Variants in EIF5B observed in about 807,000 individuals in gnomAD.
The protein encoded by EIF5B is eukaryotic translation initiation factor 5B, also known as eIF-5B.
EIF5B carries 47 observed loss-of-function variants against 147.5 expected under a neutral mutation model. The ratio of observed to expected loss-of-function variants is 0.32; its 90% CI spans 0.25 to 0.41. The LOEUF (loss-of-function observed/expected upper bound fraction) is 0.41, where lower values mean the gene tolerates loss of function less well. Among genes scored for constraint, EIF5B ranks in the 10% least tolerant of loss-of-function variants. The pLI is 1.00. For synonymous variants in EIF5B, 455 were observed against 456.2 expected, an observed-to-expected ratio of 1.00 and a Z score of 0.03; for missense variants, 1,064 against 1,413.2, an observed-to-expected ratio of 0.75 and a Z score of 3.96.
Position 99,350,912 on chromosome 2 carries a change from TAAA to T in EIF5B, c.36-9322_36-9320del, listed in dbSNP as rs577926333. The stretch of plus-strand genomic sequence containing the variant: ...GAGATGAGAATGAAGAAATAAAGAA[TAAA>T]ATGTTTTTAAAAGACTCCTTCATTA... On this transcript the variant is annotated intron_variant, in intron 1 of 23. Coordinates refer to ENST00000289371, the MANE Select transcript of EIF5B (RefSeq NM_015904.4). 1.9e-3 allele frequency among the ~76,000 whole-genome samples: 293 copies of T among 152,380 alleles called. 1 individual carries two copies. The highest frequency in any genetic ancestry group is 3.4e-3 in the Non-Finnish European group (233 of 68,036).
chr2:99,351,667 G>T (rs1673967853), intron 1 of EIF5B, among the ~76,000 whole-genome samples: 3 of 151,768 alleles, frequency 2.0e-5, no homozygotes, highest in Admixed American at 2.0e-4. Context: ...TCTAGTGGCT[G>T]TGTAGTGACA....
chr2:99,342,158 GAATCA>G (rs1463706828), intron 1 of EIF5B, among the ~76,000 whole-genome samples: 1 of 152,074 alleles, frequency 6.6e-6, no homozygotes, highest in Non-Finnish European at 1.5e-5. Context: ...GAATGCTTGA[GAATCA>G]CTTAAAGGCA....
chr2:99,343,810 T>C (rs1237930783), intron 1 of EIF5B, among the ~76,000 whole-genome samples: 2 of 151,634 alleles, frequency 1.3e-5, no homozygotes, highest in Non-Finnish European at 2.9e-5. Context: ...TGAGACTCCA[T>C]CTCTAAAAAT....
Position 99,360,140 on chromosome 2 carries a change from C to T in EIF5B, c.36-96C>T, listed in dbSNP as rs145466823. The T allele has an allele frequency of 1.5e-4, 211 of 1,387,990 alleles. 1 individual carries two copies. The African/African-American group carries it at 2.3e-3, about 15-fold the overall frequency. 86.0% of individuals were successfully genotyped at this position (1,387,990 alleles called of 1,614,324 possible). A position where few individuals can be genotyped will look rare whatever the true frequency, so the allele number is the denominator to read the frequency against. On this transcript the variant is annotated intron_variant, in intron 1 of 23. Coordinates refer to ENST00000289371, the MANE Select transcript of EIF5B (RefSeq NM_015904.4). The stretch of plus-strand genomic sequence containing the variant: ...CCAAATGATTTTTCTCATTGTGCTG[C>T]TAATGCATGAAAAAGGTTAAAATGA...
chr2:99,384,196 C>CAAAAATAAAA (rs1674751444), intron 14 of EIF5B, among the ~76,000 whole-genome samples: 1 of 117,510 alleles, frequency 8.5e-6, no homozygotes, highest in Non-Finnish European at 1.7e-5. Context: ...GACTCCGTCT[C>CAAAAATAAAA]AAAAAAAAAA....
chr2:99,381,213 C>T (rs1163783525), intron 12 of EIF5B, among the ~76,000 whole-genome samples: 2 of 152,108 alleles, frequency 1.3e-5, no homozygotes, highest in African/African-American at 4.8e-5. Flanking sequence ...GGAGAGGGTT[C>T]ATAACACCTT....
At chr2:99,356,589 T>C (rs564290695) in intron 1 of EIF5B, among the ~76,000 whole-genome samples, 77 of 152,348 alleles carry the variant, frequency 5.1e-4, no homozygotes, top group African/African-American at 1.7e-3. Flanking sequence ...AGTTGGCTCA[T>C]GTGTCCCTTT....
intron 1 of EIF5B, among the ~76,000 whole-genome samples, chr2:99,339,006 A>AT (rs1189175387): frequency 0.011 from 1,532 of 137,168 alleles, 25 homozygotes; most frequent in African/African-American, 0.031. Flanking sequence ...ATATATATAC[A>AT]TTTTTTTTTT....
chr2:99,375,879 A>G (rs1205266385), intron 9 of EIF5B, among the ~76,000 whole-genome samples: 2 of 152,234 alleles, frequency 1.3e-5, no homozygotes, highest in Non-Finnish European at 2.9e-5. Context: ...CGCTCAAAGG[A>G]TATGCTCATT....
chr2:99,395,219 T>TA (rs1203745703), intron 21 of EIF5B, among the ~76,000 whole-genome samples: 2 of 152,200 alleles, frequency 1.3e-5, no homozygotes. Flanking sequence ...AACCGGGAAA[T>TA]AAGAGATTCT....
chr2:99,342,986 G>C lies in EIF5B; in HGVS notation c.35+5397G>C, dbSNP rs555288075. 1.5e-4 allele frequency among the ~76,000 whole-genome samples: 22 copies of C among 148,966 alleles called. No homozygotes were observed. The South Asian group carries it at 4.7e-3, about 32-fold the overall frequency. Reference sequence around the variant, plus strand: ...TTTCTTTCTTTTTTTTTTGAGACCGGGTCTTACTCTGTTGGCCAGGCTGGA... The same window carrying C: ...TTTCTTTCTTTTTTTTTTGAGACCGCGTCTTACTCTGTTGGCCAGGCTGGA... On this transcript the variant is annotated intron_variant, in intron 1 of 23. Transcript: ENST00000289371.
intron 6 of EIF5B, among the ~76,000 whole-genome samples, chr2:99,366,609 T>C (rs1051749448): frequency 6.6e-6 from 1 of 152,230 alleles, no homozygotes; most frequent in African/African-American, 2.4e-5. Context: ...TGGTATACAA[T>C]TTCTGTTGTC....
chr2:99,348,046 A>C (rs1314711439), intron 1 of EIF5B, among the ~76,000 whole-genome samples: 1 of 152,230 alleles, frequency 6.6e-6, no homozygotes, highest in Non-Finnish European at 1.5e-5. Context: ...ATAGTTAGAC[A>C]TACTGGAATC....
chr2:99,377,992 A>G (rs1674599168), intron 10 of EIF5B, among the ~76,000 whole-genome samples: 1 of 152,134 alleles, frequency 6.6e-6, no homozygotes, highest in Admixed American at 6.6e-5. Context: ...TAAGTGTGGG[A>G]GAGAGAGGCA....
At chr2:99,366,550 T>G (rs899033312) in intron 6 of EIF5B, among the ~76,000 whole-genome samples, 1 of 152,248 alleles carries the variant, frequency 6.6e-6, no homozygotes, top group Non-Finnish European at 1.5e-5. Flanking sequence ...ACGTTAGAGA[T>G]AACATTTTTA....
At chr2:99,389,894 GTATTA>G (rs774066660) in intron 15 of EIF5B, 45 bp downstream of exon 15, 51 of 1,561,584 alleles carry the variant, frequency 3.3e-5, no homozygotes, top group Middle Eastern at 2.1e-4. Context: ...CTCAGAATAT[GTATTA>G]TATTATCTTT....
At chr2:99,371,504 A>G in intron 8 of EIF5B, 152 bp from the exon 9 acceptor site, 1 of 540,562 alleles carries the variant, frequency 1.8e-6, no homozygotes, top group South Asian at 2.7e-5. Context: ...AAAAAAAAAA[A>G]AGATAGTTCT....
At position 99,360,246 on chromosome 2, in the gene EIF5B, G is replaced by T; in HGVS notation, c.46G>T (p.Asp16Tyr). 1 of 1,596,034 alleles carries T rather than the reference G, an allele frequency of 6.3e-7. No individual in the cohort carries two copies. The highest frequency in any genetic ancestry group is 1.2e-5 in the South Asian group (1 of 85,496). The part of the protein sequence containing the change: ...KNKSEDSTKD[D>Y]IDLDALAAEI... ...TTGTTTTCATTTAAGCACCAAGGATGACATTGATCTTGATGCCTTGGCTGC... is the reference window on the plus strand; with the variant it reads ...TTGTTTTCATTTAAGCACCAAGGATTACATTGATCTTGATGCCTTGGCTGC... The change falls in exon 2 of 24, where the codon GAC becomes TAC. Residue 16 changes from aspartate to tyrosine, a missense_variant. By Grantham distance (160) the Asp-to-Tyr change is radical. Transcript: ENST00000289371.
chr2:99,366,396 T>TA (rs1243935718), intron 6 of EIF5B, among the ~76,000 whole-genome samples: 3 of 152,218 alleles, frequency 2.0e-5, no homozygotes, highest in Non-Finnish European at 2.9e-5. Context: ...AAGGAAAACT[T>TA]AAAGTGATGA....
Sources: gnomAD v4.1 joint callset for allele counts (sites outside exome capture counted in the v4.1 genomes callset) on GRCh38, gnomAD v4.1.1 for gene constraint, MANE v1.5 for transcripts, NCBI Gene and HGNC (gene_info 2026-07-23, HGNC 2026-07-21) for gene names.